The following GFRA1 variants were observed in gnomAD, a reference collection of about 807,000 sequenced individuals.
GFRA1 encodes GDNF family receptor alpha-1.
Under a neutral mutation model 51.6 loss-of-function variants are expected in GFRA1, and 16 were observed. The ratio of observed to expected loss-of-function variants is 0.31; its 90% CI spans 0.21 to 0.47. The LOEUF is 0.47. GFRA1 is among the 20% of genes least tolerant of loss of function. The pLI is 1.00. For synonymous variants in GFRA1, 270 were observed against 241.3 expected, an observed-to-expected ratio of 1.12 and a Z score of -1.10; for missense variants, 530 against 594.3, an observed-to-expected ratio of 0.89 and a Z score of 1.13.
chr10:116,094,128 A>G (rs1956475762), intron 7 of GFRA1, among the ~76,000 whole-genome samples: 1 of 152,212 alleles, frequency 6.6e-6, no homozygotes, highest in African/African-American at 2.4e-5. Context: ...GAATTAACTT[A>G]GAGAACGCAT....
intron 6 of GFRA1, among the ~76,000 whole-genome samples, chr10:116,109,798 T>C (rs1160694641): frequency 6.6e-6 from 1 of 152,130 alleles, no homozygotes; most frequent in Non-Finnish European, 1.5e-5. Context: ...AGCAGACATA[T>C]GTGCAGAACC....
chr10:116,245,119 A>G (rs1176952584), intron 4 of GFRA1, among the ~76,000 whole-genome samples: 1 of 152,216 alleles, frequency 6.6e-6, no homozygotes, highest in Non-Finnish European at 1.5e-5. Flanking sequence ...TAATTATTCA[A>G]GAATGAAGAC....
At position 116,060,425 on chromosome 10, in the gene GFRA1, G is replaced by C. The variant is rs1954752417; in HGVS notation, c.*3973C>G. The C allele has an allele frequency of 6.6e-6, 1 of 152,200 alleles. No homozygotes were observed. The highest frequency in any genetic ancestry group is 2.4e-5 in the African/African-American group (1 of 41,444). The allele number at this position is 152,200 out of a possible 1,614,324, so 9.4% of individuals were successfully genotyped here. A position where few individuals can be genotyped will look rare whatever the true frequency, so the allele number is the denominator to read the frequency against. On this transcript the variant is annotated 3_prime_UTR_variant, in exon 11 of 11. Transcript: ENST00000355422. ...CTGCCTGATTCAAGGAACTCTGGCT[G>C]TTTCGTTAGAAGGTCCCTGTTCTGA...
intron 5 of GFRA1, among the ~76,000 whole-genome samples, chr10:116,128,883 T>C (rs1425518612): frequency 1.3e-5 from 2 of 152,158 alleles, no homozygotes; most frequent in Non-Finnish European, 2.9e-5. Context: ...TTGTACAAAG[T>C]TGGAACAGGG....
intron 4 of GFRA1, among the ~76,000 whole-genome samples, chr10:116,215,902 G>A (rs1965529154): frequency 6.6e-6 from 1 of 152,108 alleles, no homozygotes; most frequent in Non-Finnish European, 1.5e-5. Context: ...CCAGCCCCTG[G>A]AGCCATTCTG....
At position 116,060,860 on chromosome 10, in the gene GFRA1, CTCT is replaced by C. The variant is rs1954777524; in HGVS notation, c.*3535_*3537del. 1 of 152,190 alleles carries C rather than the reference CTCT, an allele frequency of 6.6e-6. No homozygotes were observed. Among genetic ancestry groups the C allele is most frequent in the Admixed American group, 6.5e-5 (1 of 15,276 alleles). 9.4% of individuals were successfully genotyped at this position (152,190 alleles called of 1,614,324 possible). A position where few individuals can be genotyped will look rare whatever the true frequency, so the allele number is the denominator to read the frequency against. ...AAACTTATTTTCCAAAAGACAGCTCCTCTGAGGCCACAATTTTGTAAATAATAA... is the reference window on the plus strand; with the variant it reads ...AAACTTATTTTCCAAAAGACAGCTCCGAGGCCACAATTTTGTAAATAATAA... On this transcript the variant is annotated 3_prime_UTR_variant, in exon 11 of 11. Transcript: ENST00000355422.
intron 4 of GFRA1, among the ~76,000 whole-genome samples, chr10:116,214,224 T>C (rs144245984): frequency 1.9e-4 from 29 of 152,352 alleles, no homozygotes; most frequent in Admixed American, 1.8e-3. Flanking sequence ...GTGAAGTTTA[T>C]TCCCACAGAG....
intron 5 of GFRA1, among the ~76,000 whole-genome samples, chr10:116,175,309 T>C (rs907776269): frequency 1.3e-5 from 2 of 152,108 alleles, no homozygotes; most frequent in Non-Finnish European, 2.9e-5. Flanking sequence ...GGAAAGAGGA[T>C]AACTTGGAGG....
rs554691986 is a variant in GFRA1, at chr10:116,061,272, C to T, written c.*3126G>A. ...AAAAAAAAAAAAAAAGAAATGGAAA[C>T]CACACTCCTATCACATTCTAGATCG... is the stretch of plus-strand genomic sequence containing the variant. On this transcript the variant is annotated 3_prime_UTR_variant, in exon 11 of 11. Transcript: ENST00000355422. 7.5e-5 allele frequency: 11 copies of T among 147,048 alleles called. No homozygotes were observed. In the South Asian group the frequency reaches 2.2e-3, roughly 29 times the overall value. 9.1% of individuals were successfully genotyped at this position (147,048 alleles called of 1,614,324 possible). A position where few individuals can be genotyped will look rare whatever the true frequency, so the allele number is the denominator to read the frequency against.
intron 6 of GFRA1, among the ~76,000 whole-genome samples, chr10:116,106,053 G>C (rs776808306): frequency 2.6e-5 from 4 of 152,126 alleles, no homozygotes; most frequent in African/African-American, 9.7e-5. Flanking sequence ...GGGTGTCATC[G>C]TGATGTCATG....
intron 9 of GFRA1, among the ~76,000 whole-genome samples, chr10:116,070,752 C>G (rs1170458852): frequency 1.4e-5 from 2 of 139,000 alleles, no homozygotes; most frequent in South Asian, 2.2e-4. Flanking sequence ...ACCTAGAAGT[C>G]TGGAGCCTTT....
intron 6 of GFRA1, among the ~76,000 whole-genome samples, chr10:116,117,179 G>A (rs1013722329): frequency 2.6e-5 from 4 of 152,166 alleles, no homozygotes; most frequent in Non-Finnish European, 5.9e-5. Flanking sequence ...CGTTTGTGTG[G>A]GTGTACCTCA....
chr10:116,251,422 G>A (rs955837831), intron 4 of GFRA1, among the ~76,000 whole-genome samples: 8 of 152,166 alleles, frequency 5.3e-5, no homozygotes, highest in Non-Finnish European at 1.2e-4. Context: ...GGGGGTGGAT[G>A]TATCAGAATA....
rs150597670 is a variant in GFRA1 at position 116,061,163 on chromosome 10, A to AGCT, written c.*3232_*3234dup. 0.11 allele frequency: 16,866 copies of AGCT among 151,720 alleles called. 1,253 individuals are homozygous for AGCT. The highest frequency in any genetic ancestry group is 0.17 in the Non-Finnish European group (11,423 of 67,946). 9.4% of individuals were successfully genotyped at this position (151,720 alleles called of 1,614,324 possible). A position where few individuals can be genotyped will look rare whatever the true frequency, so the allele number is the denominator to read the frequency against. ...TATGGACCAAATCAAAGGCTGAGGC[A>AGCT]GCTCTGGGGGAGCCCTGTCCGGTGT... On this transcript the variant is annotated 3_prime_UTR_variant, in exon 11 of 11. Coordinates refer to ENST00000355422, the MANE Select transcript of GFRA1 (RefSeq NM_005264.8).
intron 5 of GFRA1, among the ~76,000 whole-genome samples, chr10:116,178,497 CG>C (rs1961877763): frequency 6.6e-6 from 1 of 152,180 alleles, no homozygotes; most frequent in Admixed American, 6.5e-5. Context: ...CTTCAAAAAT[CG>C]AATGTAGCAG....
chr10:116,065,164 G>A (rs1955041537), intron 10 of GFRA1, among the ~76,000 whole-genome samples: 1 of 152,204 alleles, frequency 6.6e-6, no homozygotes, highest in South Asian at 2.1e-4. Context: ...CTCCTCACCT[G>A]TAAACTGGAG....
intron 8 of GFRA1, among the ~76,000 whole-genome samples, chr10:116,092,913 A>G (rs2530341): frequency 0.098 from 14,852 of 152,238 alleles, 763 homozygotes; most frequent in South Asian, 0.17. Flanking sequence ...TAGGGTGTGC[A>G]TATCTGGGTG....
At chr10:116,131,594 T>C (rs922689758) in intron 5 of GFRA1, among the ~76,000 whole-genome samples, 8 of 152,018 alleles carry the variant, frequency 5.3e-5, no homozygotes, top group African/African-American at 1.9e-4. Context: ...AGAGATGAAC[T>C]GTTGATACAC....
chr10:116,195,193 T>C (rs935153357), intron 5 of GFRA1, among the ~76,000 whole-genome samples: 3 of 152,228 alleles, frequency 2.0e-5, no homozygotes, highest in Non-Finnish European at 4.4e-5. Flanking sequence ...GAGCTTTCTT[T>C]AATACCTTCA....
Sources: gnomAD v4.1 joint callset for allele counts (sites outside exome capture counted in the v4.1 genomes callset) on GRCh38, gnomAD v4.1.1 for gene constraint, MANE v1.5 for transcripts, NCBI Gene and HGNC (gene_info 2026-07-23, HGNC 2026-07-21) for gene names.